Variants in SESN3 observed in about 807,000 individuals in gnomAD.
The protein encoded by SESN3 is sestrin 3, also known as sestrin-3.
In SESN3, 21 loss-of-function variants were observed where a neutral mutation model predicts 55.3. That is an observed-to-expected ratio of 0.38 (90% CI 0.27 to 0.55). SESN3 has a LOEUF of 0.55. Ranked by LOEUF, SESN3 falls within the 20% of genes least tolerant of loss-of-function variation. The pLI, the probability that SESN3 is intolerant of heterozygous loss-of-function variation, is 0.76. For missense variants in SESN3, 408 were observed against 604.3 expected, an observed-to-expected ratio of 0.68 and a Z score of 3.41; for synonymous variants, 181 against 203.1, an observed-to-expected ratio of 0.89 and a Z score of 0.93.
chr11:95,191,587 G>A lies in SESN3; in HGVS notation c.159C>T (p.Asn53=), dbSNP rs767215138. 6.2e-7 allele frequency: 1 copy of A among 1,611,998 alleles called. No individual in the cohort carries two copies. The highest frequency in any genetic ancestry group is 1.1e-5 in the South Asian group (1 of 91,024). Residue 53 remains asparagine, a synonymous_variant, in exon 3 of 10, where the codon AAC becomes AAT. Coordinates refer to ENST00000536441, the MANE Select transcript of SESN3 (RefSeq NM_144665.4). ...FIPEKEVVQA[N]TVDERTNFLV... ...GAAAGTTAGTACGTTCATCCACTGT[G>A]TTTGCTTGGACAACCTTATAACCAA...
At chr11:95,189,446 T>C (rs987189706) in intron 4 of SESN3, among the ~76,000 whole-genome samples, 3 of 151,974 alleles carry the variant, frequency 2.0e-5, no homozygotes, top group African/African-American at 4.8e-5. Flanking sequence ...CAGAAGCCCA[T>C]AGAAGTTAAT....
intron 4 of SESN3, among the ~76,000 whole-genome samples, 189 bp from the exon 5 acceptor site, chr11:95,185,681 A>G (rs1860149804): frequency 6.6e-6 from 1 of 152,130 alleles, no homozygotes; most frequent in Non-Finnish European, 1.5e-5. Context: ...ATACCTAACA[A>G]TATAATTACA....
intron 6 of SESN3, chr11:95,184,060 T>A (rs1266008577): frequency 3.4e-6 from 1 of 290,684 alleles, no homozygotes; most frequent in Non-Finnish European, 6.3e-6. Flanking sequence ...AAGGCAGTTT[T>A]TTTTAAAATT....
In SESN3 at chr11:95,169,435, T is replaced by G. The variant is rs1859809073; in HGVS notation, c.*3820A>C. Reference sequence around the variant, plus strand: ...ATACTATTTACATAACAAACATTATTGTTATGTACTGTTTAGTCCATGTTA... The same window carrying G: ...ATACTATTTACATAACAAACATTATGGTTATGTACTGTTTAGTCCATGTTA... On this transcript the variant is annotated 3_prime_UTR_variant, in exon 10 of 10. Coordinates refer to ENST00000536441, the MANE Select transcript of SESN3 (RefSeq NM_144665.4). 1 of 152,234 alleles carries G rather than the reference T, an allele frequency of 6.6e-6. No individual in the cohort carries two copies. Among genetic ancestry groups the G allele is most frequent in the South Asian group, 2.1e-4 (1 of 4,838 alleles). The allele number at this position is 152,234 out of a possible 1,614,324, so 9.4% of individuals were successfully genotyped here.
At chr11:95,201,612 C>G (rs993910781) in intron 1 of SESN3, among the ~76,000 whole-genome samples, 1 of 151,972 alleles carries the variant, frequency 6.6e-6, no homozygotes, top group Non-Finnish European at 1.5e-5. Flanking sequence ...CAAGGTAGCT[C>G]TAGAACCCTG....
chr11:95,216,116 A>AC (rs1259386888), intron 1 of SESN3, among the ~76,000 whole-genome samples: 1 of 151,786 alleles, frequency 6.6e-6, no homozygotes, highest in Non-Finnish European at 1.5e-5. Flanking sequence ...AAAAGAAAAA[A>AC]AAAAAAAAAG....
In SESN3 at chr11:95,168,262, G is replaced by T. The variant is rs1859786313; in HGVS notation, c.*4993C>A. 6.6e-6 allele frequency: 1 copy of T among 152,156 alleles called. No homozygotes were observed. The highest frequency in any genetic ancestry group is 6.6e-5 in the Admixed American group (1 of 15,262). The allele number at this position is 152,156 out of a possible 1,614,324, so 9.4% of individuals were successfully genotyped here. On this transcript the variant is annotated 3_prime_UTR_variant, in exon 10 of 10. Coordinates refer to ENST00000536441, the MANE Select transcript of SESN3 (RefSeq NM_144665.4). ...TTACAAGTCATTCTGGATTGCTGGAGAATTTTAACTTTACATTCAAATAGC... is the reference window on the plus strand; with the variant it reads ...TTACAAGTCATTCTGGATTGCTGGATAATTTTAACTTTACATTCAAATAGC...
intron 1 of SESN3, among the ~76,000 whole-genome samples, chr11:95,213,986 C>T (rs1784924205): frequency 6.6e-6 from 1 of 152,160 alleles, no homozygotes; most frequent in Non-Finnish European, 1.5e-5. Context: ...CATGCAATAA[C>T]TGACAGGAAA....
chr11:95,178,902 T>C, intron 6 of SESN3, 74 bp from the exon 7 acceptor site: 2 of 812,346 alleles, frequency 2.5e-6, no homozygotes, highest in South Asian at 1.8e-5. Context: ...AACTCCATTT[T>C]CTTCCACTTT....
chr11:95,175,736 T>C, intron 8 of SESN3, 94 bp from the exon 9 acceptor site: 2 of 1,005,958 alleles, frequency 2.0e-6, no homozygotes, highest in African/African-American at 1.6e-5. Context: ...AGTAATTAAA[T>C]ACTAAAAGCT....
chr11:95,198,217 A>G (rs756667442), intron 1 of SESN3, among the ~76,000 whole-genome samples: 11 of 152,170 alleles, frequency 7.2e-5, no homozygotes, highest in Admixed American at 1.3e-4. Flanking sequence ...AGTGAGAATA[A>G]TATCAATTCT....
At chr11:95,216,758 A>AT (rs1415660042) in intron 1 of SESN3, among the ~76,000 whole-genome samples, 8 of 151,754 alleles carry the variant, frequency 5.3e-5, no homozygotes, top group Admixed American at 3.3e-4. Flanking sequence ...AGGAGGCAAG[A>AT]TAAAAAAAAA....
At chr11:95,215,891 G>A (rs992465514) in intron 1 of SESN3, among the ~76,000 whole-genome samples, 1 of 152,062 alleles carries the variant, frequency 6.6e-6, no homozygotes, top group African/African-American at 2.4e-5. Flanking sequence ...GAGGTCAGGA[G>A]ATCGAGACCA....
intron 1 of SESN3, among the ~76,000 whole-genome samples, chr11:95,215,327 C>G (rs964129971): frequency 1.3e-5 from 2 of 152,056 alleles, no homozygotes; most frequent in South Asian, 4.1e-4. Context: ...TAGAACCACA[C>G]TGCAGAACCA....
intron 1 of SESN3, among the ~76,000 whole-genome samples, chr11:95,219,159 AAAC>A (rs1179826953): frequency 6.6e-6 from 1 of 152,242 alleles, no homozygotes; most frequent in Non-Finnish European, 1.5e-5. Context: ...TACTCTATTA[AAAC>A]AATAAAACTA....
intron 4 of SESN3, among the ~76,000 whole-genome samples, chr11:95,189,268 G>C (rs142569185): frequency 6.6e-6 from 1 of 151,884 alleles, no homozygotes; most frequent in Non-Finnish European, 1.5e-5. Context: ...TCTATTTCTC[G>C]TCTAAGCTCT....
Position 95,230,869 on chromosome 11 carries a change from C to G in SESN3, c.-9G>C. 4.5e-6 allele frequency: 7 copies of G among 1,569,078 alleles called. No individual in the cohort carries two copies. The highest frequency in any genetic ancestry group is 6.0e-6 in the Non-Finnish European group (7 of 1,164,270). ...CCGCCGCCCCGGTTCATCGTGGCTG[C>G]GGGCGCCGAGGCGAGAGCGGGCGGA... is the stretch of plus-strand genomic sequence containing the variant. On this transcript the variant is annotated 5_prime_UTR_variant, in exon 1 of 10. Coordinates refer to ENST00000536441, the MANE Select transcript of SESN3 (RefSeq NM_144665.4). The surrounding 1 kb of genome is among the most constrained non-coding windows in gnomAD (Gnocchi z 4.6).
At chr11:95,219,477 T>A (rs1259320599) in intron 1 of SESN3, among the ~76,000 whole-genome samples, 1 of 152,224 alleles carries the variant, frequency 6.6e-6, no homozygotes, top group East Asian at 1.9e-4. Flanking sequence ...CTTTTTCATC[T>A]GTGTTACCTT....
At chr11:95,192,096 A>T (rs1480883324) in intron 2 of SESN3, among the ~76,000 whole-genome samples, 1 of 152,076 alleles carries the variant, frequency 6.6e-6, no homozygotes, top group Non-Finnish European at 1.5e-5. Context: ...CTTTTCAGGA[A>T]CAAAGGCATA....
Sources: allele counts gnomAD v4.1 joint callset (sites outside exome capture counted in the v4.1 genomes callset), GRCh38; gene constraint gnomAD v4.1.1; non-coding constraint Gnocchi (gnomAD v3.1); transcripts MANE v1.5; gene names NCBI Gene and HGNC (gene_info 2026-07-23, HGNC 2026-07-21).